The following CTNND2 variants were observed in gnomAD, a reference collection of about 807,000 sequenced individuals.
The protein encoded by CTNND2 is catenin delta 2.
In CTNND2, 22 loss-of-function variants were observed where a neutral mutation model predicts 144.4. The ratio of observed to expected loss-of-function variants is 0.15; its 90% CI spans 0.11 to 0.22. The LOEUF (loss-of-function observed/expected upper bound fraction) is 0.22. Among genes scored for constraint, CTNND2 ranks in the 10% least tolerant of loss-of-function variants. CTNND2 has a pLI of 1.00. For synonymous variants in CTNND2, 751 were observed against 695.6 expected, an observed-to-expected ratio of 1.08 and a Z score of -1.25; for missense variants, 1,353 against 1,618.8, an observed-to-expected ratio of 0.84 and a Z score of 2.82.
chr5:11,783,843 G>T (rs1232462697), intron 1 of CTNND2, among the ~76,000 whole-genome samples: 4 of 152,158 alleles, frequency 2.6e-5, no homozygotes, highest in African/African-American at 9.7e-5. Flanking sequence ...AGGTGAGGAG[G>T]CAAGGCCCTG....
chr5:11,202,503 TC>T (rs1380877312), intron 10 of CTNND2, among the ~76,000 whole-genome samples: 4 of 152,230 alleles, frequency 2.6e-5, no homozygotes, highest in Non-Finnish European at 5.9e-5. Flanking sequence ...AAACTTGTTT[TC>T]TTGGGGTTTA....
At chr5:11,266,785 G>A (rs1044580211) in intron 9 of CTNND2, among the ~76,000 whole-genome samples, 2 of 152,222 alleles carry the variant, frequency 1.3e-5, no homozygotes, top group Admixed American at 1.3e-4. Context: ...TAAAGAAGCT[G>A]CCATTATGGG....
chr5:11,010,971 T>G (rs1741013961), intron 18 of CTNND2, among the ~76,000 whole-genome samples: 1 of 152,244 alleles, frequency 6.6e-6, no homozygotes, highest in Non-Finnish European at 1.5e-5. Context: ...AATATGATCT[T>G]ACTCTGTTTC....
intron 2 of CTNND2, among the ~76,000 whole-genome samples, chr5:11,662,102 T>C (rs1485872523): frequency 6.8e-6 from 1 of 147,962 alleles, no homozygotes; most frequent in African/African-American, 2.5e-5. Flanking sequence ...TATATACACA[T>C]ATTTATGTGT....
intron 2 of CTNND2, among the ~76,000 whole-genome samples, chr5:11,594,135 C>T (rs1024827408): frequency 1.3e-5 from 2 of 152,190 alleles, no homozygotes; most frequent in South Asian, 2.1e-4. Flanking sequence ...TCAGTCCCAA[C>T]TGAACACTAC....
chr5:11,172,660 G>A (rs1217324777), intron 11 of CTNND2, among the ~76,000 whole-genome samples: 1 of 152,226 alleles, frequency 6.6e-6, no homozygotes, highest in Non-Finnish European at 1.5e-5. Flanking sequence ...CATGTGGTAT[G>A]TGGTTAAGGA....
In CTNND2 at chr5:11,199,530, G is replaced by A. The variant is rs1408823945; in HGVS notation, c.1893C>T (p.Ala631=). The A allele has an allele frequency of 1.9e-5, 30 of 1,614,062 alleles. No individual in the cohort carries two copies. The highest frequency in any genetic ancestry group is 2.5e-5 in the Non-Finnish European group (29 of 1,180,016). Residue 631 remains alanine, a synonymous_variant, in exon 11 of 22, where the codon GCC becomes GCT. Transcript: ENST00000304623. ...CTGGGATGCCACCACAGTTTTTCAG[G>A]GCAATTTTGTTATCATCGTTGGCCT... ...YGKANDDNKI[A]LKNCGGIPAL... is the part of the protein sequence containing the mutation.
At chr5:11,449,860 A>G (rs1765145524) in intron 3 of CTNND2, among the ~76,000 whole-genome samples, 1 of 152,230 alleles carries the variant, frequency 6.6e-6, no homozygotes, top group Non-Finnish European at 1.5e-5. Context: ...GCACACAGAC[A>G]TTCAGTAAAT....
chr5:11,112,185 T>A (rs1753065077), intron 13 of CTNND2, among the ~76,000 whole-genome samples: 1 of 152,108 alleles, frequency 6.6e-6, no homozygotes, highest in Admixed American at 6.5e-5. Context: ...GCGCGTATGT[T>A]AGGTCACGTG....
rs187359174 is a variant in CTNND2, at chr5:11,656,431, T to A, written c.174+75705A>T. ...TGAACACTCCCAGAAAAAAAAAAAATATACTAATGTGAACCAGAGTCACTA... is the reference window on the plus strand; with the variant it reads ...TGAACACTCCCAGAAAAAAAAAAAAAATACTAATGTGAACCAGAGTCACTA... On this transcript the variant is annotated intron_variant, in intron 2 of 21. Transcript: ENST00000304623. Among the ~76,000 whole-genome samples the A allele has an allele frequency of 8.5e-3, 1,228 of 144,686 alleles. 16 individuals are homozygous for A. The highest frequency in any genetic ancestry group is 0.029 in the African/African-American group (1,181 of 40,422). The allele number at this position is 144,686 out of a possible 152,430, so 94.9% of individuals were successfully genotyped here. A position where few individuals can be genotyped will look rare whatever the true frequency, so the allele number is the denominator to read the frequency against.
At chr5:11,089,091 G>C (rs182753019) in intron 15 of CTNND2, among the ~76,000 whole-genome samples, 4 of 152,320 alleles carry the variant, frequency 2.6e-5, no homozygotes, top group Non-Finnish European at 2.9e-5. Flanking sequence ...AGTCCTCTAA[G>C]TCACACATTG....
At chr5:11,365,916 G>C (rs1418519611) in intron 7 of CTNND2, among the ~76,000 whole-genome samples, 2 of 152,196 alleles carry the variant, frequency 1.3e-5, no homozygotes, top group Non-Finnish European at 2.9e-5. Context: ...ACACGGACAA[G>C]AACCAAAGGA....
intron 16 of CTNND2, among the ~76,000 whole-genome samples, chr5:11,067,017 A>T (rs1448682737): frequency 6.6e-6 from 1 of 152,204 alleles, no homozygotes; most frequent in Non-Finnish European, 1.5e-5. Context: ...GTTATTCTGC[A>T]CACAACACAT....
chr5:11,040,307 A>G (rs1744570111), intron 16 of CTNND2, among the ~76,000 whole-genome samples: 1 of 152,146 alleles, frequency 6.6e-6, no homozygotes, highest in African/African-American at 2.4e-5. Flanking sequence ...CCTATTTCAC[A>G]TGCCCGAATT....
At chr5:11,392,957 T>G (rs1471245493) in intron 6 of CTNND2, among the ~76,000 whole-genome samples, 1 of 152,144 alleles carries the variant, frequency 6.6e-6, no homozygotes, top group Non-Finnish European at 1.5e-5. Context: ...AAGACATAGG[T>G]GTTTACAGGG....
At chr5:11,792,974 T>C (rs975596798) in intron 1 of CTNND2, among the ~76,000 whole-genome samples, 7 of 152,208 alleles carry the variant, frequency 4.6e-5, no homozygotes, top group African/African-American at 1.7e-4. Flanking sequence ...CTAATACATA[T>C]CATGATTTCC....
chr5:11,534,821 C>A (rs1774066617), intron 3 of CTNND2, among the ~76,000 whole-genome samples: 1 of 152,258 alleles, frequency 6.6e-6, no homozygotes, highest in East Asian at 1.9e-4. Flanking sequence ...TCCTCGAAGA[C>A]TTTGCTGACA....
At chr5:11,841,921 C>G (rs548972062) in intron 1 of CTNND2, among the ~76,000 whole-genome samples, 1 of 151,768 alleles carries the variant, frequency 6.6e-6, no homozygotes, top group East Asian at 1.9e-4. Flanking sequence ...TGAATAGTAC[C>G]TCTCATCCCT....
At position 11,878,360 on chromosome 5, in the gene CTNND2, C is replaced by T. The variant is rs73052534; in HGVS notation, c.37+25457G>A. On this transcript the variant is annotated intron_variant, in intron 1 of 21. Transcript: ENST00000304623. ...GTTATTTCTTACAAAAGTTTGCTGGCTTGTCTCTGGGATGAGCTCCCAAGA... is the reference window on the plus strand; with the variant it reads ...GTTATTTCTTACAAAAGTTTGCTGGTTTGTCTCTGGGATGAGCTCCCAAGA... Among the ~76,000 whole-genome samples, 1,258 of 152,242 alleles carry T rather than the reference C, an allele frequency of 8.3e-3. 15 individuals carry two copies. The highest frequency in any genetic ancestry group is 0.028 in the African/African-American group (1,178 of 41,554).
Sources: allele counts gnomAD v4.1 joint callset (sites outside exome capture counted in the v4.1 genomes callset), GRCh38; gene constraint gnomAD v4.1.1; transcripts MANE v1.5; gene names NCBI Gene and HGNC (gene_info 2026-07-23, HGNC 2026-07-21).